SSC5D: variants seen among roughly 807,000 people sequenced by gnomAD.
The protein encoded by SSC5D is scavenger receptor cysteine rich family member with 5 domains, also known as soluble scavenger receptor cysteine-rich domain-containing protein SSC5D.
In SSC5D, 106 loss-of-function variants were observed where a neutral mutation model predicts 104.6. The ratio of observed to expected loss-of-function variants is 1.01; its 90% CI spans 0.87 to 1.19. SSC5D has a LOEUF of 1.19. SSC5D is among the 50% of genes most tolerant of loss of function. The pLI is 0.00. For missense variants in SSC5D, 1,993 were observed against 2,153.8 expected (o/e 0.93, Z 1.48); for synonymous variants, 860 against 883.5 (o/e 0.97, Z 0.47).
At chr19:55,505,298 A>G (rs932137118) in intron 12 of SSC5D, among the ~76,000 whole-genome samples, 4 of 151,806 alleles carry the variant, frequency 2.6e-5, no homozygotes, top group Non-Finnish European at 5.9e-5. Context: ...TTATTTCATC[A>G]GCAGGCCACA....
At position 55,493,800 on chromosome 19, in the gene SSC5D, C is replaced by T. The variant is rs1987223124; in HGVS notation, c.1101C>T (p.Ile367=). The change falls in exon 7 of 14, where the codon ATC becomes ATT. Residue 367 remains isoleucine, a synonymous_variant. Coordinates refer to ENST00000389623, the MANE Select transcript of SSC5D (RefSeq NM_001144950.2). ...TTGGGGAGGGGTCTGGACCCATCAT[C>T]CTGGACGACCTTCGGTGTCGGGGAA... ...AFFGEGSGPI[I]LDDLRCRGNE... The T allele has an allele frequency of 6.5e-6, 10 of 1,548,836 alleles. No homozygotes were observed. In the East Asian group the frequency reaches 2.4e-4, roughly 38 times the overall value.
chr19:55,507,665 C>CAAAAAAAAAA (rs61340967), intron 12 of SSC5D, among the ~76,000 whole-genome samples: 130 of 75,502 alleles, frequency 1.7e-3, no homozygotes, highest in African/African-American at 2.5e-3. Flanking sequence ...GACTCCGTCT[C>CAAAAAAAAAA]AAAAAAAAAA....
chr19:55,508,278 C>T (rs761840853), intron 12 of SSC5D, among the ~76,000 whole-genome samples: 3 of 151,998 alleles, frequency 2.0e-5, no homozygotes, highest in Admixed American at 6.6e-5. Flanking sequence ...GGGGTATCGC[C>T]GGAGGTTTAT....
chr19:55,514,491 C>G (rs1987827295), intron 13 of SSC5D, among the ~76,000 whole-genome samples: 1 of 147,738 alleles, frequency 6.8e-6, no homozygotes, highest in African/African-American at 2.5e-5. Context: ...ATCCCAGCTA[C>G]TCGGGAGGCT....
intron 7 of SSC5D, 103 bp from the exon 8 acceptor site, chr19:55,494,507 G>A (rs1490219577): frequency 3.9e-6 from 5 of 1,271,872 alleles, no homozygotes; most frequent in South Asian, 1.6e-5. Context: ...AGATCTCTGC[G>A]TGCAGCTGAG....
intron 6 of SSC5D, among the ~76,000 whole-genome samples, chr19:55,493,106 C>T (rs1447029207): frequency 6.6e-6 from 1 of 152,190 alleles, no homozygotes; most frequent in African/African-American, 2.4e-5. Context: ...TAGTGGCTCT[C>T]AGCTGGCAAG....
intron 8 of SSC5D, 35 bp from the exon 9 acceptor site, chr19:55,497,845 C>T (rs1207523238): frequency 2.7e-6 from 4 of 1,486,424 alleles, no homozygotes; most frequent in Non-Finnish European, 3.6e-6. Flanking sequence ...GGGCGGCTTC[C>T]CCGACTCTAA....
chr19:55,510,613 C>T (rs1172547636), intron 12 of SSC5D, among the ~76,000 whole-genome samples: 2 of 152,180 alleles, frequency 1.3e-5, no homozygotes, highest in African/African-American at 4.8e-5. Flanking sequence ...TCCTAAAATG[C>T]TGGGATTACA....
In SSC5D at chr19:55,501,038, C is replaced by T. The variant is rs1184422989; in HGVS notation, c.2622C>T (p.Tyr874=). The T allele has an allele frequency of 1.9e-5, 29 of 1,551,860 alleles. No individual in the cohort carries two copies. The Admixed American group carries it at 4.1e-4, about 22-fold the overall frequency. ...ATTACCCCAATTTCTCCAAAGGCTA[C>T]ACAGACTATGACGATTATCCCCCCT... ...EEDVGLTCTG[Y]TDYDDYPPWT... is the part of the protein sequence containing the mutation. The change falls in exon 12 of 14, where the codon TAC becomes TAT. Residue 874 remains tyrosine (Y), a synonymous_variant. Transcript: ENST00000389623.
intron 12 of SSC5D, among the ~76,000 whole-genome samples, chr19:55,505,338 G>A (rs907094633): frequency 6.6e-6 from 1 of 151,736 alleles, no homozygotes; most frequent in Non-Finnish European, 1.5e-5. Flanking sequence ...AGAAGCAAAG[G>A]GTGGGAGAAA....
chr19:55,504,789 G>T lies in SSC5D; in HGVS notation c.2785+3588G>T, dbSNP rs114790702. The stretch of plus-strand genomic sequence containing the variant: ...TGAGATTACAGGTGTGAGCCACCGC[G>T]CCCGGCCACCTGTTTCTTTCTCTGG... On this transcript the variant is annotated intron_variant, in intron 12 of 13. Coordinates refer to ENST00000389623, the MANE Select transcript of SSC5D (RefSeq NM_001144950.2). Among the ~76,000 whole-genome samples, 1,144 of 152,200 alleles carry T rather than the reference G, an allele frequency of 7.5e-3. 19 individuals are homozygous for T. The highest frequency in any genetic ancestry group is 0.025 in the African/African-American group (1,049 of 41,516).
chr19:55,510,506 G>A (rs909641605), intron 12 of SSC5D, among the ~76,000 whole-genome samples: 3 of 151,884 alleles, frequency 2.0e-5, no homozygotes, highest in Admixed American at 6.6e-5. Context: ...GTTCCACCAC[G>A]CCTGGCTAAT....
intron 6 of SSC5D, chr19:55,492,031 G>T (rs1377839859): frequency 6.5e-6 from 1 of 152,738 alleles, no homozygotes; most frequent in East Asian, 1.9e-4. Flanking sequence ...GGAGAGAAGA[G>T]AGAAAGAGGC....
intron 13 of SSC5D, among the ~76,000 whole-genome samples, chr19:55,516,125 A>G (rs1268172750): frequency 6.6e-6 from 1 of 151,758 alleles, no homozygotes; most frequent in Non-Finnish European, 1.5e-5. Flanking sequence ...ATCAAGATAC[A>G]TAATATCATA....
intron 8 of SSC5D, 76 bp from the exon 9 acceptor site, chr19:55,497,804 G>T: frequency 7.6e-7 from 1 of 1,320,850 alleles, no homozygotes; most frequent in East Asian, 2.6e-5. Flanking sequence ...AAGATGGGGG[G>T]AGGGAAAGGT....
chr19:55,512,439 T>C (rs1987779212), intron 12 of SSC5D, among the ~76,000 whole-genome samples: 1 of 150,982 alleles, frequency 6.6e-6, no homozygotes, highest in African/African-American at 2.4e-5. Flanking sequence ...TTATGGTTTT[T>C]CCCCCGCTAG....
Position 55,500,662 on chromosome 19 carries a change from C to G in SSC5D, c.2475C>G (p.Thr825=), listed in dbSNP as rs1311178847. 6.4e-7 allele frequency: 1 copy of G among 1,551,614 alleles called. No individual in the cohort carries two copies. The highest frequency in any genetic ancestry group is 2.0e-5 in the Admixed American group (1 of 50,980). Residue 825 remains threonine (T), a synonymous_variant, in exon 11 of 14, where the codon ACC becomes ACG. Coordinates refer to ENST00000389623, the MANE Select transcript of SSC5D (RefSeq NM_001144950.2). The surrounding 1 kb of genome is among the most constrained non-coding windows in gnomAD (Gnocchi z 4.6). ...CGKVRPRVGK[T]HYGPGTGPIW... is the part of the protein sequence containing the mutation. ...AGGTCCGGCCTCGAGTAGGCAAAAC[C>G]CATTACGGCCCTGGGACTGGGCCCA...
At chr19:55,515,892 G>A (rs1217598332) in intron 13 of SSC5D, among the ~76,000 whole-genome samples, 1 of 152,110 alleles carries the variant, frequency 6.6e-6, no homozygotes, top group Admixed American at 6.6e-5. Context: ...AGATTTCATT[G>A]CCTAGACTCT....
Position 55,500,624 on chromosome 19 carries a change from C to T in SSC5D, c.2437C>T (p.Leu813=), listed in dbSNP as rs1987465620. Reference sequence around the variant, plus strand: ...GGACGCCACTGTGGCCTGCTGGGAACTGGGCTGTGGAAAGGTCCGGCCTCG... The same window carrying T: ...GGACGCCACTGTGGCCTGCTGGGAATTGGGCTGTGGAAAGGTCCGGCCTCG... The part of the protein sequence containing the change: ...LRDATVACWE[L]GCGKVRPRVG... The change falls in exon 11 of 14, where the codon CTG becomes TTG. Residue 813 remains leucine (L), a synonymous_variant. Coordinates refer to ENST00000389623, the MANE Select transcript of SSC5D (RefSeq NM_001144950.2). The surrounding 1 kb of genome is among the most constrained non-coding windows in gnomAD (Gnocchi z 4.6). 1 of 1,551,640 alleles carries T rather than the reference C, an allele frequency of 6.4e-7. No individual in the cohort carries two copies. Among genetic ancestry groups the T allele is most frequent in the Non-Finnish European group, 8.7e-7 (1 of 1,147,020 alleles).
Sources: gnomAD v4.1 joint callset for allele counts (sites outside exome capture counted in the v4.1 genomes callset) on GRCh38, gnomAD v4.1.1 for gene constraint, Gnocchi (gnomAD v3.1) non-coding constraint, MANE v1.5 for transcripts, NCBI Gene and HGNC (gene_info 2026-07-23, HGNC 2026-07-21) for gene names.